MSR1: variants seen among roughly 807,000 people sequenced by gnomAD.
The protein encoded by MSR1 is macrophage scavenger receptor 1.
Under a neutral mutation model 47.2 loss-of-function variants are expected in MSR1, and 53 were observed. The ratio of observed to expected loss-of-function variants is 1.12; its 90% confidence interval spans 0.90 to 1.41. The LOEUF (loss-of-function observed/expected upper bound fraction) is 1.41. Ranked by LOEUF, MSR1 falls within the 40% of genes most tolerant of loss-of-function variation. The probability of loss-of-function intolerance (pLI) is 0.00; values close to 1 mark genes in which losing one functional copy is unlikely to be tolerated. For missense variants in MSR1, 786 were observed against 546.9 expected, an observed-to-expected ratio of 1.44 and a Z score of -4.36; for synonymous variants, 239 against 185.6, an observed-to-expected ratio of 1.29 and a Z score of -2.34.
intron 2 of MSR1, among the ~76,000 whole-genome samples, chr8:16,176,897 G>C (rs1468697429): frequency 6.6e-6 from 1 of 152,102 alleles, no homozygotes; most frequent in Non-Finnish European, 1.5e-5. Context: ...TGTATTTCAG[G>C]TTTGCTATGT....
intron 8 of MSR1, among the ~76,000 whole-genome samples, chr8:16,129,551 G>A (rs1191659381): frequency 1.3e-5 from 2 of 152,042 alleles, no homozygotes; most frequent in East Asian, 1.9e-4. Context: ...TTAGAGACCA[G>A]CCTGGGCAAG....
At position 16,120,488 on chromosome 8, in the gene MSR1, T is replaced by A; in HGVS notation, c.1152A>T (p.Gly384=). 3 of 1,613,886 alleles carry A rather than the reference T, an allele frequency of 1.9e-6. No homozygotes were observed. The highest frequency in any genetic ancestry group is 2.5e-6 in the Non-Finnish European group (3 of 1,179,906). Residue 384 remains glycine (G), a synonymous_variant, in exon 9 of 10, where the codon GGA becomes GGT. Transcript: ENST00000262101. The part of the protein sequence containing the change: ...ICDDRWEVRV[G]QVVCRSLGYP... ...ATCCCAAGCTCCTACAGACGACCTGTCCAACGCGCACTTCCCAGCGATCGT... is the reference window on the plus strand; with the variant it reads ...ATCCCAAGCTCCTACAGACGACCTGACCAACGCGCACTTCCCAGCGATCGT...
chr8:16,152,283 C>T (rs1189146137), intron 6 of MSR1, among the ~76,000 whole-genome samples: 2 of 151,416 alleles, frequency 1.3e-5, no homozygotes, highest in Non-Finnish European at 3.0e-5. Flanking sequence ...AGCCAGGCAA[C>T]ATTCCTTACT....
intron 8 of MSR1, among the ~76,000 whole-genome samples, chr8:16,133,350 T>A (rs75410719): frequency 0.029 from 4,439 of 152,120 alleles, 197 homozygotes; most frequent in African/African-American, 0.1. Flanking sequence ...AGTGGGAAGC[T>A]AAAAGAAGTC....
intron 8 of MSR1, among the ~76,000 whole-genome samples, chr8:16,143,096 C>T (rs1800603524): frequency 6.6e-6 from 1 of 152,084 alleles, no homozygotes; most frequent in African/African-American, 2.4e-5. Flanking sequence ...AGGTTTAGAA[C>T]ATGGAATACC....
At chr8:16,178,283 T>G (rs1418403303) in intron 1 of MSR1, among the ~76,000 whole-genome samples, 1 of 129,150 alleles carries the variant, frequency 7.7e-6, no homozygotes, top group Non-Finnish European at 1.6e-5. Flanking sequence ...GGCCCCAGTG[T>G]GTGACGTTCC....
At chr8:16,183,017 C>T (rs1390134331) in intron 1 of MSR1, among the ~76,000 whole-genome samples, 1 of 152,068 alleles carries the variant, frequency 6.6e-6, no homozygotes, top group Non-Finnish European at 1.5e-5. Context: ...TCCCTTAGAA[C>T]AGCTATGAGG....
chr8:16,145,011 CAT>C (rs1800660742), intron 7 of MSR1, among the ~76,000 whole-genome samples: 1 of 152,058 alleles, frequency 6.6e-6, no homozygotes, highest in East Asian at 1.9e-4. Flanking sequence ...TAAAAAAATA[CAT>C]ATATATAATG....
chr8:16,139,401 G>A (rs1800470082), intron 8 of MSR1: 3 of 932,336 alleles, frequency 3.2e-6, no homozygotes, highest in African/African-American at 1.8e-5. Flanking sequence ...ACCCTGTGAG[G>A]TAGGTGTTAA....
intron 8 of MSR1, among the ~76,000 whole-genome samples, chr8:16,138,414 T>A (rs1585151087): frequency 6.6e-6 from 1 of 152,178 alleles, no homozygotes; most frequent in Non-Finnish European, 1.5e-5. Context: ...TCATTATGCA[T>A]TTTTAAAGTT....
At chr8:16,134,155 T>C (rs1237645848) in intron 8 of MSR1, among the ~76,000 whole-genome samples, 1 of 152,202 alleles carries the variant, frequency 6.6e-6, no homozygotes, top group Non-Finnish European at 1.5e-5. Context: ...TTCACCATTC[T>C]TCCAAACAAG....
At chr8:16,182,055 T>A (rs964318351) in intron 1 of MSR1, among the ~76,000 whole-genome samples, 3 of 152,124 alleles carry the variant, frequency 2.0e-5, no homozygotes, top group African/African-American at 7.2e-5. Flanking sequence ...CTACTGCTGC[T>A]AGGCAACAAA....
At chr8:16,175,369 A>C in intron 2 of MSR1, 69 bp from the exon 3 acceptor site, 1 of 1,258,550 alleles carries the variant, frequency 7.9e-7, no homozygotes, top group East Asian at 2.4e-5. Flanking sequence ...AAATTGTTTT[A>C]ATCTCCAATT....
chr8:16,132,438 A>G (rs540314449), intron 8 of MSR1, among the ~76,000 whole-genome samples: 9 of 152,074 alleles, frequency 5.9e-5, no homozygotes, highest in Admixed American at 1.3e-4. Context: ...CTGCAAACAG[A>G]TAGTTTGACT....
chr8:16,160,240 C>G (rs2219880), intron 5 of MSR1, among the ~76,000 whole-genome samples: 1 of 151,788 alleles, frequency 6.6e-6, no homozygotes, highest in African/African-American at 2.4e-5. Context: ...ATAATTTATA[C>G]GAGGATATAA....
At chr8:16,139,235 T>G in intron 8 of MSR1, 1 of 980,942 alleles carries the variant, frequency 1.0e-6, no homozygotes, top group Non-Finnish European at 1.2e-6. Context: ...TCACTCCTAT[T>G]CTGATTACAG....
intron 5 of MSR1, among the ~76,000 whole-genome samples, chr8:16,160,489 G>T (rs896685223): frequency 6.6e-6 from 1 of 151,956 alleles, no homozygotes; most frequent in Non-Finnish European, 1.5e-5. Context: ...AGACAAGGAG[G>T]AGAAGACTTA....
chr8:16,125,183 T>C (rs184243543), intron 8 of MSR1, among the ~76,000 whole-genome samples: 13 of 152,112 alleles, frequency 8.5e-5, no homozygotes, highest in African/African-American at 3.1e-4. Context: ...AGACTAATGT[T>C]AAACAGAATC....
chr8:16,188,807 C>T (rs1436700194), intron 1 of MSR1, among the ~76,000 whole-genome samples: 1 of 151,806 alleles, frequency 6.6e-6, no homozygotes, highest in African/African-American at 2.4e-5. Flanking sequence ...TGATGGTTTC[C>T]AGCTTCATCC....
Sources: allele counts gnomAD v4.1 joint callset (sites outside exome capture counted in the v4.1 genomes callset), GRCh38; gene constraint gnomAD v4.1.1; transcripts MANE v1.5; gene names NCBI Gene and HGNC (gene_info 2026-07-23, HGNC 2026-07-21).